LRRC37A2: variants seen among roughly 807,000 people sequenced by gnomAD.
The protein encoded by LRRC37A2 is leucine rich repeat containing 37 member A2.
Under a neutral mutation model 68.8 loss-of-function variants are expected in LRRC37A2, and 9 were observed. The observed-to-expected ratio is 0.13, with a 90% confidence interval of 0.08 to 0.23. LRRC37A2 has a LOEUF of 0.23. LRRC37A2 is among the 10% of genes least tolerant of loss of function. The pLI is 1.00. For missense variants in LRRC37A2, 168 were observed against 950.4 expected (o/e 0.18, Z 10.82); for synonymous variants, 63 against 367.6 (o/e 0.17, Z 9.48).
intron 8 of LRRC37A2, among the ~76,000 whole-genome samples, chr17:46,545,197 C>T (rs1301691948): frequency 5.2e-5 from 7 of 133,738 alleles, no homozygotes; most frequent in Non-Finnish European, 3.1e-5. Context: ...TTTGGAAGGC[C>T]GAGGTGGGAG....
chr17:46,800,184 C>T, the LRRC37A2 span, among the ~76,000 whole-genome samples: 19 of 152,172 alleles, frequency 1.2e-4, no homozygotes, highest in Non-Finnish European at 2.2e-4. Context: ...GATCTCGGCT[C>T]ACTGCAGCCT....
chr17:46,761,326 T>TG, the LRRC37A2 span, among the ~76,000 whole-genome samples: 78 of 151,750 alleles, frequency 5.1e-4, no homozygotes, highest in Middle Eastern at 3.4e-3. Context: ...CCTGGTTTTT[T>TG]TTTGTTTGTT....
the LRRC37A2 span, among the ~76,000 whole-genome samples, chr17:46,973,319 T>G: frequency 6.6e-6 from 1 of 151,984 alleles, no homozygotes; most frequent in South Asian, 2.1e-4. Flanking sequence ...TTTTTTCTTT[T>G]TCTTTTCTTT....
chr17:46,720,112 T>G, the LRRC37A2 span, among the ~76,000 whole-genome samples: 1 of 152,182 alleles, frequency 6.6e-6, no homozygotes, highest in Non-Finnish European at 1.5e-5. Context: ...AGCTGGAAAT[T>G]GGATCTTTTG....
At chr17:46,821,280 G>A in the LRRC37A2 span, 4 of 152,228 alleles carry the variant, frequency 2.6e-5, no homozygotes, top group African/African-American at 7.2e-5. Flanking sequence ...GTGAATGGAG[G>A]TGTGTGTGGG....
chr17:46,955,867 A>C, the LRRC37A2 span, among the ~76,000 whole-genome samples: 1 of 151,964 alleles, frequency 6.6e-6, no homozygotes, highest in Admixed American at 6.6e-5. Flanking sequence ...TACCCTACCA[A>C]CTGACTCTCC....
chr17:46,787,233 G>C, the LRRC37A2 span, among the ~76,000 whole-genome samples: 1 of 147,180 alleles, frequency 6.8e-6, no homozygotes, highest in South Asian at 2.1e-4. Context: ...GAGCCAGCGT[G>C]CCCAGCCAAT....
chr17:46,916,204 C>A, the LRRC37A2 span, among the ~76,000 whole-genome samples: 1 of 152,242 alleles, frequency 6.6e-6, no homozygotes, highest in Non-Finnish European at 1.5e-5. Flanking sequence ...GTAAGGCCAA[C>A]CAGCTTTTAC....
At chr17:46,501,565 CTCA>C in the LRRC37A2 span, among the ~76,000 whole-genome samples, 1 of 151,272 alleles carries the variant, frequency 6.6e-6, no homozygotes, top group Non-Finnish European at 1.5e-5. Flanking sequence ...CATCAACATG[CTCA>C]TCATCAGTCA....
At chr17:46,946,353 C>T in the LRRC37A2 span, among the ~76,000 whole-genome samples, 2 of 148,808 alleles carry the variant, frequency 1.3e-5, no homozygotes, top group African/African-American at 2.5e-5. Context: ...CCCAGCTGCT[C>T]GGGAGGCTGA....
chr17:46,976,676 C>T, the LRRC37A2 span, among the ~76,000 whole-genome samples: 84 of 151,950 alleles, frequency 5.5e-4, no homozygotes, highest in Non-Finnish European at 6.9e-4. Flanking sequence ...TAACTTGGCC[C>T]GGTGGAAAAG....
chr17:46,408,339 G>T, the LRRC37A2 span, among the ~76,000 whole-genome samples: 748 of 38,842 alleles, frequency 0.019, 29 homozygotes, highest in African/African-American at 0.034. Flanking sequence ...TACTGCTGCT[G>T]CATAACAGGA....
At chr17:46,865,291 G>A in the LRRC37A2 span, among the ~76,000 whole-genome samples, 1 of 152,232 alleles carries the variant, frequency 6.6e-6, no homozygotes, top group Non-Finnish European at 1.5e-5. Flanking sequence ...CCCTGAGCAC[G>A]TCTCCCTGAT....
chr17:46,793,451 C>A, the LRRC37A2 span, among the ~76,000 whole-genome samples: 14 of 152,098 alleles, frequency 9.2e-5, no homozygotes. Flanking sequence ...GGGCTCCCGC[C>A]TATCAGTCTT....
chr17:46,832,181 C>A, the LRRC37A2 span, among the ~76,000 whole-genome samples: 1 of 152,164 alleles, frequency 6.6e-6, no homozygotes, highest in Non-Finnish European at 1.5e-5. Flanking sequence ...CTGGTGGCTG[C>A]CCCTCACAAA....
chr17:46,944,091 A>G, the LRRC37A2 span, among the ~76,000 whole-genome samples: 2 of 152,308 alleles, frequency 1.3e-5, no homozygotes, highest in South Asian at 2.1e-4. Context: ...AGGCTGGGCC[A>G]GGCCCAGGAG....
the LRRC37A2 span, among the ~76,000 whole-genome samples, chr17:46,883,569 G>A: frequency 1.8e-3 from 268 of 152,334 alleles, no homozygotes; most frequent in African/African-American, 6.3e-3. Context: ...ACAGGCGTGA[G>A]CCACTGTGCC....
chr17:46,807,053 GAACGAGA>G, the LRRC37A2 span, among the ~76,000 whole-genome samples: 1 of 152,224 alleles, frequency 6.6e-6, no homozygotes, highest in East Asian at 1.9e-4. Context: ...CATTGGCCAG[GAACGAGA>G]GACAGTCCCT....
chr17:46,770,231 A>G, the LRRC37A2 span, among the ~76,000 whole-genome samples: 2 of 152,218 alleles, frequency 1.3e-5, no homozygotes, highest in Non-Finnish European at 2.9e-5. Flanking sequence ...CCAGTTGGGT[A>G]TTCCCACTTC....
Sources: allele counts gnomAD v4.1 joint callset (sites outside exome capture counted in the v4.1 genomes callset), GRCh38; gene constraint gnomAD v4.1.1; transcripts MANE v1.5; gene names NCBI Gene and HGNC (gene_info 2026-07-23, HGNC 2026-07-21).